The following BTD variants were observed in gnomAD, a reference collection of about 807,000 sequenced individuals.
BTD encodes biotinidase.
Under a neutral mutation model 17.7 loss-of-function variants are expected in BTD, and 13 were observed. The ratio of observed to expected loss-of-function variants is 0.74; its 90% CI spans 0.48 to 1.17. The LOEUF (loss-of-function observed/expected upper bound fraction) is 1.17, where lower values mean the gene tolerates loss of function less well. Ranked by LOEUF, BTD falls within the 50% of genes most tolerant of loss-of-function variation. The pLI, the probability that BTD is intolerant of heterozygous loss-of-function variation, is 0.00. For synonymous variants in BTD, 240 were observed against 245.2 expected, an observed-to-expected ratio of 0.98 and a Z score of 0.20; for missense variants, 674 against 650.4, an observed-to-expected ratio of 1.04 and a Z score of -0.39.
chr3:15,713,826 A>G (rs906706323), downstream of BTD, among the ~76,000 whole-genome samples: 1 of 152,220 alleles, frequency 6.6e-6, no homozygotes, highest in African/African-American at 2.4e-5. Context: ...ACTTAAAGCA[A>G]TTGTGTGAAT....
chr3:15,637,286 G>A (rs1231736984), intron 2 of BTD, among the ~76,000 whole-genome samples: 3 of 152,064 alleles, frequency 2.0e-5, no homozygotes, highest in Admixed American at 2.0e-4. Context: ...AATAAGGGCA[G>A]GGTAGAGAAC....
rs765899359 is a variant in BTD, at chr3:15,696,151, G to A, written c.400-13909G>A. The stretch of plus-strand genomic sequence containing the variant: ...AATCTTACCAGCTGAAGACATAGAC[G>A]GTGACCATAAGCAGCTGAATAATGA... On this transcript the variant is annotated intron_variant, in intron 3 of 3. Coordinates refer to the BTD transcript ENST00000672141. 1.0e-5 allele frequency: 16 copies of A among 1,583,192 alleles called. No individual in the cohort carries two copies. The East Asian group carries it at 1.1e-4, about 11-fold the overall frequency.
chr3:15,663,935 CT>C (rs1202309424), intron 3 of BTD, among the ~76,000 whole-genome samples: 1 of 152,178 alleles, frequency 6.6e-6, no homozygotes, highest in African/African-American at 2.4e-5. Context: ...GAGTTTCACT[CT>C]TGTTGCCCAG....
At chr3:15,609,432 C>G (rs528643757) in intron 1 of BTD, among the ~76,000 whole-genome samples, 1 of 152,276 alleles carries the variant, frequency 6.6e-6, no homozygotes, top group East Asian at 1.9e-4. Context: ...ACAGTGTGCT[C>G]TGAAATTCTT....
chr3:15,620,415 A>G (rs2064916423), intron 1 of BTD, among the ~76,000 whole-genome samples: 1 of 152,200 alleles, frequency 6.6e-6, no homozygotes, highest in South Asian at 2.1e-4. Context: ...TTGCACATCC[A>G]TTTATAGGCT....
chr3:15,645,165 C>T lies in BTD; in HGVS notation c.1249C>T (p.Leu417=). The change falls in exon 4 of 4, where the codon CTG becomes TTG. Residue 417 remains leucine, a synonymous_variant. Transcript: ENST00000643237. The stretch of plus-strand genomic sequence containing the variant: ...CGAGAGGCCCACCTTATCCAAAGAG[C>T]TGTATGCCCTGGGGGTCTTTGATGG... ...LYERPTLSKE[L]YALGVFDGLH... is the part of the protein sequence containing the mutation. 1 of 1,614,178 alleles carries T rather than the reference C, an allele frequency of 6.2e-7. No individual in the cohort carries two copies. Among genetic ancestry groups the T allele is most frequent in the Non-Finnish European group, 8.5e-7 (1 of 1,180,024 alleles).
At chr3:15,666,094 C>G (rs567608609) in intron 3 of BTD, among the ~76,000 whole-genome samples, 4 of 152,284 alleles carry the variant, frequency 2.6e-5, no homozygotes, top group Admixed American at 2.0e-4. Context: ...GTTACCTCCC[C>G]CTTTACTGCT....
rs774018881 is a variant in BTD, at chr3:15,645,372, C to T, written c.1456C>T (p.Leu486=). 5.0e-6 allele frequency: 8 copies of T among 1,614,140 alleles called. No homozygotes were observed. In the Admixed American group the frequency reaches 1.3e-4, roughly 27 times the overall value. ...TTTGTTTCTGACCTCAGGGATGACC[C>T]TAGAAGTCCCTGACCAGCTTGGCTG... ...FPLFLTSGMT[L]EVPDQLGWEN... is the part of the protein sequence containing the mutation. The change falls in exon 4 of 4, where the codon CTA becomes TTA. Residue 486 remains leucine (L), a synonymous_variant. Coordinates refer to ENST00000643237, the MANE Select transcript of BTD (RefSeq NM_001370658.1).
chr3:15,655,803 T>C (rs916545714), downstream of BTD, among the ~76,000 whole-genome samples: 2 of 152,204 alleles, frequency 1.3e-5, no homozygotes, highest in African/African-American at 4.8e-5. Context: ...TTTGTTGTTT[T>C]TACTTTGTTT....
At chr3:15,679,240 G>T in intron 3 of BTD, 2 of 1,493,660 alleles carry the variant, frequency 1.3e-6, no homozygotes, top group Non-Finnish European at 1.9e-6. Context: ...AGATTGTTAG[G>T]ATTATAGGCA....
chr3:15,619,695 A>G (rs933057659), intron 1 of BTD, among the ~76,000 whole-genome samples: 3 of 152,218 alleles, frequency 2.0e-5, no homozygotes, highest in African/African-American at 7.2e-5. Context: ...CTGTAGTTGT[A>G]TTAGTCTGAA....
chr3:15,618,614 C>T (rs1430838887), intron 1 of BTD, among the ~76,000 whole-genome samples: 1 of 152,150 alleles, frequency 6.6e-6, no homozygotes, highest in Non-Finnish European at 1.5e-5. Context: ...CAAGCTCCAC[C>T]TCCCGGGTTC....
chr3:15,610,126 A>G (rs1367471120), intron 1 of BTD, among the ~76,000 whole-genome samples: 1 of 152,204 alleles, frequency 6.6e-6, no homozygotes, highest in Non-Finnish European at 1.5e-5. Flanking sequence ...TTTATTTAAC[A>G]TATATTCCTA....
chr3:15,709,663 C>T, intron 3 of BTD: 1 of 1,571,228 alleles, frequency 6.4e-7, no homozygotes, highest in Non-Finnish European at 8.6e-7. Context: ...TGTATCATAC[C>T]CTACCTCCCA....
At chr3:15,722,330 A>C (rs757631231), downstream of BTD, among the ~76,000 whole-genome samples, 8 of 152,216 alleles carry the variant, frequency 5.3e-5, no homozygotes, top group African/African-American at 1.7e-4. Context: ...CCTTGTTGGA[A>C]ATACTTCATT....
At chr3:15,617,359 A>C (rs1351062219) in intron 1 of BTD, among the ~76,000 whole-genome samples, 1 of 152,244 alleles carries the variant, frequency 6.6e-6, no homozygotes, top group African/African-American at 2.4e-5. Flanking sequence ...ACACAAGATC[A>C]TCTAGCTATT....
chr3:15,694,838 T>C, intron 3 of BTD: 1 of 1,604,394 alleles, frequency 6.2e-7, no homozygotes, highest in Non-Finnish European at 8.5e-7. Context: ...GCATTTTAAA[T>C]GTCAGAAAGA....
rs1170112337 is a variant in BTD, at chr3:15,652,685, CTA to C, written c.*7198_*7199del. ...TAATTTATTATACAGCAATAGAAAA[CTA>C]ATACAATAGTCTTGCTACCAGCACC... is the stretch of plus-strand genomic sequence containing the variant. On this transcript the variant is annotated 3_prime_UTR_variant, in exon 4 of 4. Transcript: ENST00000643237. Among the ~76,000 whole-genome samples the C allele has an allele frequency of 6.6e-6, 1 of 152,188 alleles. No individual in the cohort carries two copies. Among genetic ancestry groups the C allele is most frequent in the East Asian group, 1.9e-4 (1 of 5,196 alleles).
At chr3:15,655,796 G>C (rs1270488015), downstream of BTD, among the ~76,000 whole-genome samples, 1 of 152,140 alleles carries the variant, frequency 6.6e-6, no homozygotes, top group East Asian at 1.9e-4. Flanking sequence ...AGAATACTTT[G>C]TTGTTTTTAC....
Sources: gnomAD v4.1 joint callset for allele counts (sites outside exome capture counted in the v4.1 genomes callset) on GRCh38, gnomAD v4.1.1 for gene constraint, MANE v1.5 for transcripts, NCBI Gene and HGNC (gene_info 2026-07-23, HGNC 2026-07-21) for gene names.